Variants in STXBP2 observed in about 807,000 individuals in gnomAD.
The protein encoded by STXBP2 is syntaxin binding protein 2.
A neutral mutation model predicts 72.2 loss-of-function variants in STXBP2; 47 were observed. That is an observed-to-expected ratio of 0.65 (90% CI 0.51 to 0.83). The LOEUF (loss-of-function observed/expected upper bound fraction) is 0.83. Ranked by LOEUF, STXBP2 falls within the 40% of genes least tolerant of loss-of-function variation. The probability of loss-of-function intolerance (pLI) is 0.00; values close to 1 mark genes in which losing one functional copy is unlikely to be tolerated. For missense variants in STXBP2, 702 were observed against 807.6 expected, an observed-to-expected ratio of 0.87 and a Z score of 1.58; for synonymous variants, 367 against 338.7, an observed-to-expected ratio of 1.08 and a Z score of -0.92.
At chr19:7,640,500 CTG>C (rs34153991) in intron 4 of STXBP2, 6,602 of 587,886 alleles carry the variant, frequency 0.011, 167 homozygotes, top group African/African-American at 0.075. Context: ...GTGTGTGCAT[CTG>C]TGTGTGTGTG....
At position 7,642,448 on chromosome 19, in the gene STXBP2, A is replaced by T; in HGVS notation, c.814A>T (p.Ser272Cys). 1.2e-6 allele frequency: 2 copies of T among 1,613,964 alleles called. No homozygotes were observed. Among genetic ancestry groups the T allele is most frequent in the Non-Finnish European group, 1.7e-6 (2 of 1,180,008 alleles). ...CCCCAGGTATGAGACCACCGGGCTG[A>T]GCGAGGCGCGGGAGAAGGCCGTCTT... ...DTYRYETTGL[S>C]EAREKAVLLD... The change falls in exon 10 of 19, where the codon AGC becomes TGC. Residue 272 changes from serine (S) to cysteine (C), a missense_variant. Physicochemically the swap from Ser to Cys is moderately radical, Grantham distance 112. Transcript: ENST00000221283. This position sits in a 1 kb window ranked among gnomAD's most constrained non-coding sequence, Gnocchi z 6.0.
chr19:7,634,267 C>T (rs562577308), upstream of STXBP2, among the ~76,000 whole-genome samples: 1 of 152,148 alleles, frequency 6.6e-6, no homozygotes, highest in Admixed American at 6.5e-5. Context: ...AGTGCCCAAG[C>T]AGGGGATACC....
chr19:7,636,814 G>A (rs2031552721), upstream of STXBP2: 1 of 288,214 alleles, frequency 3.5e-6, no homozygotes, highest in South Asian at 1.6e-4. Context: ...GTATCTTGCA[G>A]GCACAGAACC....
At chr19:7,632,831 C>A, upstream of STXBP2, 1 of 1,548,448 alleles carries the variant, frequency 6.5e-7, no homozygotes, top group Middle Eastern at 1.7e-4. The surrounding 1 kb of genome is among the most constrained non-coding windows in gnomAD (Gnocchi z 5.2). Context: ...GGGAGCCCGC[C>A]TGGGGACAGA....
rs528848621 is a variant in STXBP2, at chr19:7,640,468, C to CTG, written c.247-256_247-255dup. On this transcript the variant is annotated intron_variant, in intron 4 of 18. Transcript: ENST00000221283. ...TGTGTGTATGTATGTGTGTGCATCT[C>CTG]TGTGTGTGCATGTGTGTATGTGTGT... is the stretch of plus-strand genomic sequence containing the variant. The CTG allele has an allele frequency of 3.0e-4, 193 of 647,642 alleles. No homozygotes were observed. The East Asian group carries it at 3.7e-3, about 12-fold the overall frequency. The allele number at this position is 647,642 out of a possible 1,614,324, so 40.1% of individuals were successfully genotyped here. A position where few individuals can be genotyped will look rare whatever the true frequency, so the allele number is the denominator to read the frequency against.
upstream of STXBP2, chr19:7,633,731 A>C: frequency 2.0e-6 from 1 of 505,612 alleles, no homozygotes; most frequent in South Asian, 2.7e-5. Context: ...GACCCCAGGG[A>C]CTCTCAGGTG....
Position 7,647,456 on chromosome 19 carries a change from G to T in STXBP2, c.1641G>T (p.Met547Ile). The T allele has an allele frequency of 6.2e-7, 1 of 1,612,888 alleles. No individual in the cohort carries two copies. Residue 547 changes from methionine (M) to isoleucine (I), a missense_variant, in exon 18 of 19, where the codon ATG becomes ATT. By Grantham distance (10) the Met-to-Ile change is conservative. Transcript: ENST00000221283. The stretch of plus-strand genomic sequence containing the variant: ...TGGGCGGTGTGGCCATGTCAGAGAT[G>T]AGGGCCGCCTACGAGGTGACCAGGG... Reference protein sequence around the residue: ...YVMGGVAMSEMRAAYEVTRAT... With the variant: ...YVMGGVAMSEIRAAYEVTRAT...
upstream of STXBP2, chr19:7,632,094 T>C (rs74572992): frequency 0.016 from 9,179 of 558,856 alleles, 357 homozygotes; most frequent in Admixed American, 0.13. The surrounding 1 kb of genome is among the most constrained non-coding windows in gnomAD (Gnocchi z 5.2). Context: ...CTTACGTGAC[T>C]TCCTCCCTGG....
the STXBP2 span, chr19:7,631,794 T>C: frequency 1.5e-5 from 22 of 1,421,612 alleles, no homozygotes; most frequent in Non-Finnish European, 1.8e-5. Flanking sequence ...TCCCAGCTCG[T>C]TTCTGTGCTC....
Position 7,647,788 on chromosome 19 carries a change from T to TGGAG in STXBP2, c.1762_1765dup (p.Asp589GlyfsTer?). 6.2e-7 allele frequency: 1 copy of TGGAG among 1,613,964 alleles called. No homozygotes were observed. The highest frequency in any genetic ancestry group is 2.2e-5 in the East Asian group (1 of 44,848). On this transcript the variant is annotated frameshift_variant, in exon 19 of 19. Coordinates refer to ENST00000221283, the MANE Select transcript of STXBP2 (RefSeq NM_006949.4). LOFTEE classifies it high-confidence loss of function. ...GACCTGAAGGCACTGGACAAGAAGC[T>TGGAG]GGAGGACATTGCCCTGCCCTGACCC...
chr19:7,645,355 C>T, intron 15 of STXBP2, 49 bp downstream of exon 15: 4 of 1,521,374 alleles, frequency 2.6e-6, no homozygotes, highest in Non-Finnish European at 3.6e-6. Context: ...GTGCGGATCA[C>T]AGCCGGGGCT....
Position 7,647,358 on chromosome 19 carries a change from C to T in STXBP2, c.1543C>T (p.Arg515Cys), listed in dbSNP as rs2032179244. The T allele has an allele frequency of 6.2e-7, 1 of 1,613,150 alleles. No individual in the cohort carries two copies. Among genetic ancestry groups the T allele is most frequent in the Non-Finnish European group, 8.5e-7 (1 of 1,179,982 alleles). The part of the protein sequence containing the change: ...TASSQAAVSA[R>C]FGHWHKNKAG... ...TTCTGCCCCTGCCCTGCACAGTGCC[C>T]GCTTCGGTCACTGGCACAAGAACAA... Residue 515 changes from arginine (R) to cysteine (C), a missense_variant, in exon 18 of 19, where the codon CGC becomes TGC. Arg to Cys is a radical substitution (Grantham distance 180). Transcript: ENST00000221283.
At chr19:7,643,082 C>G in intron 12 of STXBP2, 34 bp downstream of exon 12, 1 of 1,613,976 alleles carries the variant, frequency 6.2e-7, no homozygotes. Flanking sequence ...GGGGACACCT[C>G]GGCCCCTCAA....
chr19:7,641,189 C>A (rs149701771), intron 6 of STXBP2, 186 bp downstream of exon 6: 18 of 686,208 alleles, frequency 2.6e-5, no homozygotes, highest in Middle Eastern at 2.4e-4. Flanking sequence ...CAGAGCAAGA[C>A]CCCGTCTCTT....
In STXBP2 at chr19:7,641,811, T is replaced by C; in HGVS notation, c.536T>C (p.Leu179Pro). 1 of 1,551,996 alleles carries C rather than the reference T, an allele frequency of 6.4e-7. No homozygotes were observed. The highest frequency in any genetic ancestry group is 8.7e-7 in the Non-Finnish European group (1 of 1,148,020). Residue 179 changes from leucine to proline, a missense_variant, in exon 7 of 19, where the codon CTG (leucine) becomes CCG (proline). Leu to Pro is a moderately conservative substitution (Grantham distance 98). Coordinates refer to ENST00000221283, the MANE Select transcript of STXBP2 (RefSeq NM_006949.4). The stretch of plus-strand genomic sequence containing the variant: ...GTGCTGGCCCAGCAGATTGCCACGC[T>C]GTGCGCCACCCTGCAGGAGTACCCG... ...LEVLAQQIAT[L>P]CATLQEYPAI...
intron 17 of STXBP2, 24 bp downstream of exon 17, chr19:7,647,271 C>A: frequency 6.2e-7 from 1 of 1,610,700 alleles, no homozygotes. Context: ...GCCGCCCCCG[C>A]CCACGCCTGG....
Position 7,647,567 on chromosome 19 carries a change from G to A in STXBP2, c.1696+56G>A. The A allele has an allele frequency of 2.5e-6, 4 of 1,576,152 alleles. No individual in the cohort carries two copies. In the South Asian group the frequency reaches 3.4e-5, roughly 14 times the overall value. On this transcript the variant is annotated intron_variant, in intron 18 of 18. Transcript: ENST00000221283. ...TGGGGCTTGGGTTCCCGGGGCCTGG[G>A]CTTGTACCTTCTAGGTGTCTGGACT...
chr19:7,632,408 C>T (rs772322913), upstream of STXBP2: 1 of 1,613,968 alleles, frequency 6.2e-7, no homozygotes. The surrounding 1 kb of genome is among the most constrained non-coding windows in gnomAD (Gnocchi z 5.2). Context: ...ACCCCACGGG[C>T]TGGAAGCCGG....
rs377263310 is a variant in STXBP2, at chr19:7,647,747, G to C, written c.1719G>C (p.Pro573=). The C allele has an allele frequency of 1.2e-6, 2 of 1,613,804 alleles. No homozygotes were observed. Among genetic ancestry groups the C allele is most frequent in the Non-Finnish European group, 1.7e-6 (2 of 1,179,936 alleles). ...VLIGSSHILT[P]TRFLDDLKAL... ...CAGGCTCCTCACACATCCTCACCCC[G>C]ACCCGCTTCCTGGATGACCTGAAGG... is the stretch of plus-strand genomic sequence containing the variant. Residue 573 remains proline, a synonymous_variant, in exon 19 of 19, where the codon CCG becomes CCC. Transcript: ENST00000221283.
Sources: allele counts gnomAD v4.1 joint callset (sites outside exome capture counted in the v4.1 genomes callset), GRCh38; gene constraint gnomAD v4.1.1; non-coding constraint Gnocchi (gnomAD v3.1); transcripts MANE v1.5; gene names NCBI Gene and HGNC (gene_info 2026-07-23, HGNC 2026-07-21).